Variants in RMDN2 observed in about 807,000 individuals in gnomAD.
RMDN2 encodes the protein regulator of microtubule dynamics protein 2.
In RMDN2, 61 loss-of-function variants were observed where a neutral mutation model predicts 52.8. The ratio of observed to expected loss-of-function variants is 1.16; its 90% CI spans 0.94 to 1.43. RMDN2 has a LOEUF of 1.43. Among genes scored for constraint, RMDN2 ranks in the 40% most tolerant of loss-of-function variants. The pLI is 0.00. For synonymous variants in RMDN2, 180 were observed against 153.1 expected (o/e 1.18, Z -1.30); for missense variants, 592 against 475.3 (o/e 1.25, Z -2.28).
At position 37,991,302 on chromosome 2, in the gene RMDN2, G is replaced by T; in HGVS notation, c.945+5G>T. The T allele has an allele frequency of 7.1e-7, 1 of 1,413,466 alleles. No homozygotes were observed. The highest frequency in any genetic ancestry group is 9.6e-7 in the Non-Finnish European group (1 of 1,045,392). The allele number at this position is 1,413,466 out of a possible 1,614,324, so 87.6% of individuals were successfully genotyped here. ...AAAGGGAGATACTGCTATACTGTAAGTTGAATGCCTTTATTTATAAACTTT... is the reference window on the plus strand; with the variant it reads ...AAAGGGAGATACTGCTATACTGTAATTTGAATGCCTTTATTTATAAACTTT... On this transcript the variant is annotated splice_donor_5th_base_variant and intron_variant, in intron 7 of 10. Coordinates refer to ENST00000354545, the MANE Select transcript of RMDN2 (RefSeq NM_001170791.3).
chr2:37,942,760 C>T (rs1020516569), intron 2 of RMDN2, among the ~76,000 whole-genome samples: 2 of 152,224 alleles, frequency 1.3e-5, no homozygotes, highest in African/African-American at 4.8e-5. Context: ...ATTTGAGGTC[C>T]CCTTATTCAT....
chr2:37,997,108 C>T (rs1462345322), intron 7 of RMDN2, among the ~76,000 whole-genome samples: 1 of 152,122 alleles, frequency 6.6e-6, no homozygotes, highest in Non-Finnish European at 1.5e-5. Context: ...TCCCACCCCA[C>T]CCCTTTTTCC....
intron 10 of RMDN2, among the ~76,000 whole-genome samples, chr2:38,066,737 G>A (rs1472146416): frequency 6.6e-6 from 1 of 152,172 alleles, no homozygotes; most frequent in African/African-American, 2.4e-5. Context: ...AGACAGTTGT[G>A]CAAAAACTGG....
intron 10 of RMDN2, among the ~76,000 whole-genome samples, chr2:38,064,203 G>A (rs1439440308): frequency 6.6e-6 from 1 of 152,154 alleles, no homozygotes; most frequent in Non-Finnish European, 1.5e-5. Context: ...GCAAAGAGAA[G>A]AAACTGAGAT....
rs150142852 is a variant in RMDN2, at chr2:37,934,204, A to G, written c.452+4475A>G. ...TTGTTTCACACAAGAAAGGAAAAAT[A>G]TCTAATTATATCCTTAGTTGTTGAC... On this transcript the variant is annotated intron_variant, in intron 2 of 10. Transcript: ENST00000354545. 3.4e-3 allele frequency among the ~76,000 whole-genome samples: 511 copies of G among 152,386 alleles called. 2 individuals are homozygous for G. Among genetic ancestry groups the G allele is most frequent in the African/African-American group, 0.012 (492 of 41,588 alleles).
chr2:37,981,408 T>G (rs1462994697), intron 5 of RMDN2, 65 bp downstream of exon 5: 3 of 1,076,768 alleles, frequency 2.8e-6, no homozygotes, highest in Non-Finnish European at 4.3e-6. Flanking sequence ...TTAAATGGAT[T>G]TTTCAAAATA....
At chr2:38,029,316 C>A (rs1320852362) in intron 10 of RMDN2, 1 of 152,346 alleles carries the variant, frequency 6.6e-6, no homozygotes, top group African/African-American at 2.4e-5. Context: ...CCCATGCCCA[C>A]TCATGGAAAT....
At chr2:37,947,032 A>G (rs1267242845) in intron 2 of RMDN2, among the ~76,000 whole-genome samples, 1 of 152,078 alleles carries the variant, frequency 6.6e-6, no homozygotes, top group Admixed American at 6.6e-5. Context: ...TAGTGAATTT[A>G]TTTTATTTTT....
chr2:37,981,423 T>C, intron 5 of RMDN2, 80 bp downstream of exon 5: 2 of 892,522 alleles, frequency 2.2e-6, no homozygotes, highest in Non-Finnish European at 3.7e-6. Flanking sequence ...AAAATACTAT[T>C]GACTCATACG....
At chr2:37,977,069 C>T (rs1337314720) in intron 4 of RMDN2, among the ~76,000 whole-genome samples, 2 of 152,126 alleles carry the variant, frequency 1.3e-5, no homozygotes. Flanking sequence ...ATGCTGCCTT[C>T]AAGCATCTGT....
intron 2 of RMDN2, among the ~76,000 whole-genome samples, chr2:37,967,458 A>G (rs537143547): frequency 6.6e-6 from 1 of 152,354 alleles, no homozygotes; most frequent in East Asian, 1.9e-4. Context: ...ATGGCGCCCA[A>G]GAGGTGAAAG....
chr2:37,990,066 C>T (rs1446061295), intron 6 of RMDN2, among the ~76,000 whole-genome samples: 1 of 149,140 alleles, frequency 6.7e-6, no homozygotes, highest in Non-Finnish European at 1.5e-5. Context: ...TGGCATGAAC[C>T]TGGGGGGCGG....
chr2:38,047,716 A>G (rs1255911567), intron 10 of RMDN2, among the ~76,000 whole-genome samples: 3 of 152,224 alleles, frequency 2.0e-5, no homozygotes, highest in Non-Finnish European at 4.4e-5. Context: ...TTGACTTTCT[A>G]TATTTTAAAC....
intron 2 of RMDN2, among the ~76,000 whole-genome samples, chr2:37,955,330 T>C (rs536376594): frequency 6.6e-6 from 1 of 152,296 alleles, no homozygotes; most frequent in South Asian, 2.1e-4. Flanking sequence ...CTGTGGACTT[T>C]TCATATATGG....
intron 2 of RMDN2, among the ~76,000 whole-genome samples, chr2:37,937,954 C>A (rs925785809): frequency 6.6e-6 from 1 of 152,152 alleles, no homozygotes; most frequent in Non-Finnish European, 1.5e-5. Flanking sequence ...GAGAGGGCAT[C>A]CTTGTCTTGT....
At chr2:37,930,394 C>G (rs998390193) in intron 2 of RMDN2, among the ~76,000 whole-genome samples, 1 of 152,098 alleles carries the variant, frequency 6.6e-6, no homozygotes, top group African/African-American at 2.4e-5. Context: ...TCAGCTCACC[C>G]GAGGGCCAAT....
intron 3 of RMDN2, 169 bp from the exon 4 acceptor site, chr2:37,975,043 A>G: frequency 3.3e-6 from 2 of 610,396 alleles, no homozygotes; most frequent in South Asian, 3.7e-5. Flanking sequence ...CTTAGCCATG[A>G]GTATTTGGAT....
chr2:38,017,270 T>A lies in RMDN2; in HGVS notation c.*31T>A. ...CGAATTTACTCTTCAACAAATCAGA[T>A]GTGGTCTACCAAAATTTAAATGAAT... is the stretch of plus-strand genomic sequence containing the variant. On this transcript the variant is annotated 3_prime_UTR_variant, in exon 11 of 11. Transcript: ENST00000354545. The A allele has an allele frequency of 6.7e-7, 1 of 1,496,070 alleles. No individual in the cohort carries two copies. The highest frequency in any genetic ancestry group is 1.4e-5 in the South Asian group (1 of 73,480). The allele number at this position is 1,496,070 out of a possible 1,614,324, so 92.7% of individuals were successfully genotyped here.
At chr2:38,016,546 C>A (rs1678811076) in intron 10 of RMDN2, among the ~76,000 whole-genome samples, 1 of 152,126 alleles carries the variant, frequency 6.6e-6, no homozygotes, top group East Asian at 1.9e-4. Flanking sequence ...TGTGGGAAAG[C>A]CTTCATTTAA....
Sources: allele counts gnomAD v4.1 joint callset (sites outside exome capture counted in the v4.1 genomes callset), GRCh38; gene constraint gnomAD v4.1.1; transcripts MANE v1.5; gene names NCBI Gene and HGNC (gene_info 2026-07-23, HGNC 2026-07-21).